Variants in METTL24 observed in about 807,000 individuals in gnomAD.
METTL24 encodes probable methyltransferase-like protein 24.
A neutral mutation model predicts 32.7 loss-of-function variants in METTL24; 29 were observed. That is an observed-to-expected ratio of 0.89 (90% confidence interval 0.66 to 1.21). The LOEUF is 1.21. Ranked by LOEUF, METTL24 falls within the 50% of genes most tolerant of loss-of-function variation. METTL24 has a pLI of 0.00. For missense variants in METTL24, 439 were observed against 468.1 expected, an observed-to-expected ratio of 0.94 and a Z score of 0.57; for synonymous variants, 163 against 179.5, an observed-to-expected ratio of 0.91 and a Z score of 0.73.
chr6:110,306,613 T>A (rs1771632277), intron 3 of METTL24, among the ~76,000 whole-genome samples: 1 of 152,170 alleles, frequency 6.6e-6, no homozygotes, highest in South Asian at 2.1e-4. Flanking sequence ...ATAATCTTAA[T>A]ATATAAACAT....
chr6:110,333,086 C>T (rs537218540), intron 1 of METTL24, among the ~76,000 whole-genome samples: 4 of 152,152 alleles, frequency 2.6e-5, no homozygotes, highest in Non-Finnish European at 4.4e-5. Flanking sequence ...GTTACCTGGA[C>T]TTTCTGAAAC....
chr6:110,293,895 CT>C (rs59502063), intron 4 of METTL24, among the ~76,000 whole-genome samples: 1,649 of 146,728 alleles, frequency 0.011, 28 homozygotes, highest in African/African-American at 0.036. Flanking sequence ...GAGCTCTAAT[CT>C]TTTTTTTTTA....
intron 4 of METTL24, among the ~76,000 whole-genome samples, chr6:110,257,237 A>T (rs550520643): frequency 5.3e-5 from 8 of 152,310 alleles, no homozygotes; most frequent in African/African-American, 1.9e-4. Flanking sequence ...GAAATGGATA[A>T]TATCAATATT....
intron 4 of METTL24, among the ~76,000 whole-genome samples, chr6:110,274,915 T>TAGCCTC (rs1771021662): frequency 6.6e-6 from 1 of 150,520 alleles, no homozygotes; most frequent in Non-Finnish European, 1.5e-5. Flanking sequence ...CCTCCCACCT[T>TAGCCTC]AGCCTCCCGA....
rs994109441 is a variant in METTL24, at chr6:110,358,164, C to T, written c.109G>A (p.Gly37Arg). 3 of 1,214,966 alleles carry T rather than the reference C, an allele frequency of 2.5e-6. No individual in the cohort carries two copies. The highest frequency in any genetic ancestry group is 4.4e-5 in the Admixed American group (1 of 22,564). 75.3% of individuals were successfully genotyped at this position (1,214,966 alleles called of 1,614,324 possible). A position where few individuals can be genotyped will look rare whatever the true frequency, so the allele number is the denominator to read the frequency against. ...GCGCTGCGGGTGGGGGACCCGGGCC[C>T]GGCGCGCCGCAGCTCTGCGCAGAGC... is the stretch of plus-strand genomic sequence containing the variant. ...LRLCAELRRA[G>R]PGSPTRSAPP... Residue 37 changes from glycine (G) to arginine (R), a missense_variant, in exon 1 of 5, where the codon GGG (glycine) becomes AGG (arginine). Physicochemically the swap from Gly to Arg is moderately radical, Grantham distance 125 (BLOSUM62 -2). Transcript: ENST00000338882.
intron 1 of METTL24, among the ~76,000 whole-genome samples, chr6:110,324,582 C>T (rs759466099): frequency 1.1e-4 from 16 of 152,150 alleles, no homozygotes; most frequent in Non-Finnish European, 2.2e-4. Flanking sequence ...GAACAAAAGG[C>T]CCTGCATTTC....
intron 3 of METTL24, among the ~76,000 whole-genome samples, chr6:110,303,777 GA>G (rs1245227210): frequency 6.6e-6 from 1 of 152,228 alleles, no homozygotes; most frequent in Admixed American, 6.5e-5. Context: ...TGGCTCCGAA[GA>G]CAGCAGTGGA....
At chr6:110,273,483 T>C (rs1770991935) in intron 4 of METTL24, among the ~76,000 whole-genome samples, 1 of 151,618 alleles carries the variant, frequency 6.6e-6, no homozygotes, top group South Asian at 2.1e-4. Context: ...GACAAAGGAC[T>C]GAAATCCAGA....
intron 3 of METTL24, among the ~76,000 whole-genome samples, chr6:110,312,862 A>AT (rs954859973): frequency 1.2e-4 from 19 of 152,230 alleles, no homozygotes; most frequent in Admixed American, 7.9e-4. Context: ...AAAAGCAGAG[A>AT]TTTTTTGAAA....
intron 1 of METTL24, among the ~76,000 whole-genome samples, chr6:110,346,160 T>C (rs1772468269): frequency 6.6e-6 from 1 of 152,214 alleles, no homozygotes; most frequent in African/African-American, 2.4e-5. Context: ...ACACCTCAAA[T>C]GGACTTTCAA....
At chr6:110,348,891 C>T (rs1276703211) in intron 1 of METTL24, among the ~76,000 whole-genome samples, 1 of 152,220 alleles carries the variant, frequency 6.6e-6, no homozygotes, top group Non-Finnish European at 1.5e-5. Context: ...ACAATGTCAA[C>T]AAGAATCATT....
At chr6:110,302,715 G>A (rs1357284129) in intron 3 of METTL24, among the ~76,000 whole-genome samples, 9 of 151,000 alleles carry the variant, frequency 6.0e-5, no homozygotes, top group Non-Finnish European at 1.0e-4. Flanking sequence ...CTCAAAAAAG[G>A]TAATTAAATT....
Position 110,319,717 on chromosome 6 carries a change from A to C in METTL24, c.417+3057T>G, listed in dbSNP as rs138546644. On this transcript the variant is annotated intron_variant, in intron 2 of 4. Coordinates refer to ENST00000338882, the MANE Select transcript of METTL24 (RefSeq NM_001123364.3). ...TCGTGTATCATGGTCTTTCACATTG[A>C]AAAAAAAAAATAGTACCTAATTAAG... 3.6e-3 allele frequency among the ~76,000 whole-genome samples: 537 copies of C among 148,148 alleles called. 4 individuals carry two copies. Among genetic ancestry groups the C allele is most frequent in the African/African-American group, 0.012 (485 of 40,450 alleles).
At chr6:110,320,535 C>T (rs1347230227) in intron 2 of METTL24, among the ~76,000 whole-genome samples, 3 of 152,152 alleles carry the variant, frequency 2.0e-5, no homozygotes, top group Non-Finnish European at 2.9e-5. Context: ...GCTAAAATGG[C>T]CCCGCATTAA....
intron 1 of METTL24, among the ~76,000 whole-genome samples, chr6:110,336,969 C>T (rs547200078): frequency 3.3e-5 from 5 of 152,094 alleles, no homozygotes; most frequent in African/African-American, 9.6e-5. Flanking sequence ...GACACATGCA[C>T]GTGAATGTTC....
At chr6:110,252,206 G>A (rs930401802) in intron 4 of METTL24, among the ~76,000 whole-genome samples, 2 of 152,152 alleles carry the variant, frequency 1.3e-5, no homozygotes, top group African/African-American at 4.8e-5. Context: ...TTTTGGAGGA[G>A]ACAAAAACAT....
chr6:110,276,487 C>A (rs1202145865), intron 4 of METTL24, among the ~76,000 whole-genome samples: 2 of 152,108 alleles, frequency 1.3e-5, no homozygotes, highest in Admixed American at 6.6e-5. Flanking sequence ...ATGACTTGTA[C>A]TCTGTCAAGA....
rs953867258 is a variant in METTL24 at position 110,285,427 on chromosome 6, C to T, written c.786+13495G>A. Among the ~76,000 whole-genome samples, 10 of 152,118 alleles carry T rather than the reference C, an allele frequency of 6.6e-5. 1 individual carries two copies. Among genetic ancestry groups the T allele is most frequent in the Admixed American group, 3.9e-4 (6 of 15,254 alleles). ...TTACCTCCGAATGAAACTATGATCG[C>T]CTTTTCCCAAGCACCTAGAGCCTGT... On this transcript the variant is annotated intron_variant, in intron 4 of 4. Coordinates refer to ENST00000338882, the MANE Select transcript of METTL24 (RefSeq NM_001123364.3).
At chr6:110,333,464 T>C (rs1053177558) in intron 1 of METTL24, among the ~76,000 whole-genome samples, 1 of 150,634 alleles carries the variant, frequency 6.6e-6, no homozygotes, top group Non-Finnish European at 1.5e-5. Context: ...ATATTATTAT[T>C]TATTTATGTA....
Sources: gnomAD v4.1 joint callset for allele counts (sites outside exome capture counted in the v4.1 genomes callset) on GRCh38, gnomAD v4.1.1 for gene constraint, MANE v1.5 for transcripts, NCBI Gene and HGNC (gene_info 2026-07-23, HGNC 2026-07-21) for gene names.